Variants in TENM4 observed in about 807,000 individuals in gnomAD.
TENM4 encodes teneurin-4.
A neutral mutation model predicts 243.3 loss-of-function variants in TENM4; 82 were observed. The ratio of observed to expected loss-of-function variants is 0.34; its 90% CI spans 0.28 to 0.40. The LOEUF is 0.40. Ranked by LOEUF, TENM4 falls within the 10% of genes least tolerant of loss-of-function variation. The pLI is 1.00. For missense variants in TENM4, 3,138 were observed against 3,673.3 expected (o/e 0.85, Z 3.77); for synonymous variants, 1,412 against 1,456.3 (o/e 0.97, Z 0.69).
chr11:79,088,480 C>T (rs1219805336), intron 4 of TENM4, among the ~76,000 whole-genome samples: 1 of 152,186 alleles, frequency 6.6e-6, no homozygotes, highest in Non-Finnish European at 1.5e-5. Context: ...ACTCCCAGCT[C>T]TGTGCGCCCC....
chr11:78,855,899 A>T (rs1565408600), intron 11 of TENM4, 65 bp downstream of exon 11: 1 of 1,481,278 alleles, frequency 6.8e-7, no homozygotes. Flanking sequence ...GGGCTTCTTA[A>T]CTTTGGGTTA....
chr11:78,862,728 G>C (rs929786647), intron 10 of TENM4, among the ~76,000 whole-genome samples: 1 of 152,198 alleles, frequency 6.6e-6, no homozygotes, highest in South Asian at 2.1e-4. Flanking sequence ...ATGGGATTCT[G>C]CTGAGCACCA....
At chr11:79,274,231 G>C (rs894223247) in intron 2 of TENM4, among the ~76,000 whole-genome samples, 15 of 152,244 alleles carry the variant, frequency 9.9e-5, no homozygotes, top group African/African-American at 3.6e-4. Context: ...ACAGAAGGCA[G>C]AAGGTCCCTT....
chr11:79,376,623 G>GA (rs1565321038), intron 1 of TENM4, among the ~76,000 whole-genome samples: 1 of 151,896 alleles, frequency 6.6e-6, no homozygotes, highest in Non-Finnish European at 1.5e-5. Flanking sequence ...ATAACTTTTC[G>GA]ATGAATGAAT....
At chr11:79,251,137 G>A in intron 2 of TENM4, among the ~76,000 whole-genome samples, 1 of 152,160 alleles carries the variant, frequency 6.6e-6, no homozygotes, top group East Asian at 1.9e-4. Flanking sequence ...AATAGCTAGA[G>A]GCTAGAGTTT....
At chr11:79,144,507 AG>A (rs1361383908) in intron 4 of TENM4, among the ~76,000 whole-genome samples, 1 of 152,116 alleles carries the variant, frequency 6.6e-6, no homozygotes, top group African/African-American at 2.4e-5. Flanking sequence ...TACTTACAAT[AG>A]GCAAAATTTG....
intron 3 of TENM4, among the ~76,000 whole-genome samples, chr11:79,189,656 C>A (rs1863441786): frequency 6.6e-6 from 1 of 152,238 alleles, no homozygotes; most frequent in African/African-American, 2.4e-5. Flanking sequence ...TTTTTATGCT[C>A]TGGATATGTA....
At chr11:78,721,293 A>G (rs866430280) in intron 24 of TENM4, among the ~76,000 whole-genome samples, 3 of 152,294 alleles carry the variant, frequency 2.0e-5, no homozygotes, top group African/African-American at 7.2e-5. Flanking sequence ...CATTCAGCCG[A>G]TATCTGATTT....
At chr11:78,945,767 A>G (rs966937799) in intron 6 of TENM4, among the ~76,000 whole-genome samples, 2 of 152,210 alleles carry the variant, frequency 1.3e-5, no homozygotes, top group African/African-American at 4.8e-5. Flanking sequence ...TTGCTGTTTT[A>G]TGTTTTATGG....
intron 3 of TENM4, among the ~76,000 whole-genome samples, chr11:79,165,630 C>T (rs759767933): frequency 4.6e-5 from 7 of 152,128 alleles, no homozygotes; most frequent in Non-Finnish European, 2.9e-5. Flanking sequence ...TGTGCAAAAA[C>T]CTTTTGGTAT....
In TENM4 at chr11:78,733,955, G is replaced by A. The variant is rs149478891; in HGVS notation, c.2877-1378C>T. Among the ~76,000 whole-genome samples, 1,049 of 152,246 alleles carry A rather than the reference G, an allele frequency of 6.9e-3. 17 individuals carry two copies. The highest frequency in any genetic ancestry group is 0.025 in the African/African-American group (1,019 of 41,538). ...TGTAATCCCAGCACTTTGGGAGGCC[G>A]AGGAGGGCGGATCACCTGAGATCAG... On this transcript the variant is annotated intron_variant, in intron 20 of 33. Transcript: ENST00000278550.
At chr11:78,967,132 C>T (rs986876174) in intron 6 of TENM4, among the ~76,000 whole-genome samples, 2 of 152,170 alleles carry the variant, frequency 1.3e-5, no homozygotes, top group Admixed American at 1.3e-4. Flanking sequence ...CCTGATGCTT[C>T]AAGCCTGCAT....
intron 6 of TENM4, among the ~76,000 whole-genome samples, chr11:78,985,339 A>C (rs1454567904): frequency 6.6e-6 from 1 of 152,200 alleles, no homozygotes; most frequent in Non-Finnish European, 1.5e-5. Flanking sequence ...AATATTTAAA[A>C]AATTTAAAAG....
intron 1 of TENM4, among the ~76,000 whole-genome samples, chr11:79,405,235 T>C (rs1858542668): frequency 6.6e-6 from 1 of 152,148 alleles, no homozygotes; most frequent in African/African-American, 2.4e-5. Context: ...GCTTATGAGC[T>C]AGGCACCCTC....
intron 1 of TENM4, among the ~76,000 whole-genome samples, chr11:79,393,451 C>A (rs1221668484): frequency 1.3e-5 from 2 of 152,206 alleles, no homozygotes; most frequent in Non-Finnish European, 2.9e-5. Context: ...GCAAAGCCAT[C>A]CTTCAGTCCT....
At chr11:78,851,180 G>A (rs1422538654) in intron 12 of TENM4, among the ~76,000 whole-genome samples, 1 of 152,168 alleles carries the variant, frequency 6.6e-6, no homozygotes, top group Non-Finnish European at 1.5e-5. Context: ...GGTGATGGTT[G>A]GAAATGCTGA....
At chr11:79,134,379 C>T (rs1324900866) in intron 4 of TENM4, among the ~76,000 whole-genome samples, 3 of 152,172 alleles carry the variant, frequency 2.0e-5, no homozygotes, top group East Asian at 3.8e-4. Flanking sequence ...ATTCCATGCT[C>T]ATGAATGGGG....
chr11:78,943,973 C>T (rs974776507), intron 6 of TENM4, among the ~76,000 whole-genome samples: 1 of 152,188 alleles, frequency 6.6e-6, no homozygotes, highest in Non-Finnish European at 1.5e-5. Flanking sequence ...GTGAGGACTG[C>T]GTTTCTGTTC....
At chr11:78,749,624 C>G (rs959892459) in intron 19 of TENM4, among the ~76,000 whole-genome samples, 1 of 152,194 alleles carries the variant, frequency 6.6e-6, no homozygotes, top group African/African-American at 2.4e-5. Flanking sequence ...TTTAGGTTCA[C>G]AGTGGGCTGA....
Sources: gnomAD v4.1 joint callset for allele counts (sites outside exome capture counted in the v4.1 genomes callset) on GRCh38, gnomAD v4.1.1 for gene constraint, MANE v1.5 for transcripts, NCBI Gene and HGNC (gene_info 2026-07-23, HGNC 2026-07-21) for gene names.